The following ARHGAP9 variants were observed in gnomAD, a reference collection of about 807,000 sequenced individuals.
ARHGAP9 encodes the protein rho GTPase-activating protein 9.
Under a neutral mutation model 87.3 loss-of-function variants are expected in ARHGAP9, and 76 were observed. The observed-to-expected ratio is 0.87, with a 90% CI of 0.72 to 1.05. The LOEUF is 1.05. Among genes scored for constraint, ARHGAP9 ranks in the 50% least tolerant of loss-of-function variants. The pLI is 0.00. For synonymous variants in ARHGAP9, 382 were observed against 394.9 expected (o/e 0.97, Z 0.39); for missense variants, 941 against 960.5 (o/e 0.98, Z 0.27).
At chr12:57,474,594 T>C in intron 14 of ARHGAP9, 32 bp downstream of exon 14, 1 of 1,613,932 alleles carries the variant, frequency 6.2e-7, no homozygotes, top group East Asian at 2.2e-5. Flanking sequence ...AAGACATTCT[T>C]AGTACAACCA....
chr12:57,479,729 C>T lies in ARHGAP9; in HGVS notation c.-19+1G>A, dbSNP rs1315674368. ...TAGGCCAGTAGTTTTCCTCCAAGTACCTTGTGGGGCCCATCAGAAGATTCA... is the reference window on the plus strand; with the variant it reads ...TAGGCCAGTAGTTTTCCTCCAAGTATCTTGTGGGGCCCATCAGAAGATTCA... On this transcript the variant is annotated splice_donor_variant, in intron 1 of 17. Coordinates refer to ENST00000393791, the MANE Select transcript of ARHGAP9 (RefSeq NM_032496.4). LOFTEE classifies it low-confidence loss of function (5UTR_SPLICE). 6.4e-7 allele frequency: 1 copy of T among 1,550,676 alleles called. No homozygotes were observed. The highest frequency in any genetic ancestry group is 8.7e-7 in the Non-Finnish European group (1 of 1,146,970).
intron 1 of ARHGAP9, among the ~76,000 whole-genome samples, chr12:57,486,668 G>A: frequency 1.4e-5 from 2 of 148,098 alleles, no homozygotes; most frequent in South Asian, 2.1e-4. Flanking sequence ...GGCGGATCAC[G>A]AGGTCGGGGG....
chr12:57,480,162 C>CT, upstream of ARHGAP9: 1 of 949,052 alleles, frequency 1.1e-6, no homozygotes, highest in South Asian at 4.9e-5. Flanking sequence ...GCAGGAGCTA[C>CT]TTTAGTGTGT....
chr12:57,487,118 C>T (rs922730402), intron 1 of ARHGAP9, among the ~76,000 whole-genome samples: 9 of 151,656 alleles, frequency 5.9e-5, no homozygotes, highest in African/African-American at 2.2e-4. Context: ...GCTGGGATTA[C>T]AGGCGCCTGC....
upstream of ARHGAP9, chr12:57,484,105 C>T (rs910464955): frequency 1.3e-4 from 27 of 203,900 alleles, no homozygotes; most frequent in African/African-American, 4.9e-4. Context: ...GTAATCCCAG[C>T]GCTTTGGGAA....
chr12:57,486,543 T>TA (rs1851544573), intron 1 of ARHGAP9, among the ~76,000 whole-genome samples: 1 of 147,328 alleles, frequency 6.8e-6, no homozygotes, highest in South Asian at 2.2e-4. Flanking sequence ...GTGCTGGGGT[T>TA]ACAGGCGTGA....
In ARHGAP9 at chr12:57,475,749, A is replaced by G. The variant is rs781305402; in HGVS notation, c.1311+84T>C. The G allele has an allele frequency of 3.9e-5, 55 of 1,426,300 alleles. 1 individual carries two copies. In the South Asian group the frequency reaches 5.8e-4, roughly 15 times the overall value. The allele number at this position is 1,426,300 out of a possible 1,614,324, so 88.4% of individuals were successfully genotyped here. On this transcript the variant is annotated intron_variant, in intron 10 of 17. Transcript: ENST00000393791. The stretch of plus-strand genomic sequence containing the variant: ...CTCCACTGAGCCCACCCTGCCCCCA[A>G]CTGCTCCTGACTCCTATCGTTCCTA...
intron 16 of ARHGAP9, 31 bp downstream of exon 16, chr12:57,474,010 TC>T: frequency 1.2e-6 from 2 of 1,604,010 alleles, no homozygotes; most frequent in Non-Finnish European, 1.7e-6. Context: ...GTCCCCCACA[TC>T]AAGGGTTCTT....
At position 57,473,619 on chromosome 12, in the gene ARHGAP9, G is replaced by A; in HGVS notation, c.2008C>T (p.Leu670=). ...KPNHDTLRYL[L]EHLCRVIAHS... ...CTTCCTGACCTGCATAAATGCTCCA[G>A]GAGGTACCGTAGAGTGTCATGGTTG... Residue 670 remains leucine (L), a synonymous_variant, in exon 17 of 18, where the codon CTG becomes TTG. Transcript: ENST00000393791. The A allele has an allele frequency of 3.1e-6, 5 of 1,613,576 alleles. No individual in the cohort carries two copies. The highest frequency in any genetic ancestry group is 2.5e-6 in the Non-Finnish European group (3 of 1,179,566).
At position 57,472,308 on chromosome 12, in the gene ARHGAP9, G is replaced by A; in HGVS notation, c.*209C>T. On this transcript the variant is annotated 3_prime_UTR_variant, in exon 18 of 18. Transcript: ENST00000393791. ...ATGTATTATTATGTTGGGGAGGAAT[G>A]ATAACAGGGAACAAGAAGAGAAGCA... The A allele has an allele frequency of 1.6e-6, 1 of 638,094 alleles. No individual in the cohort carries two copies. The highest frequency in any genetic ancestry group is 2.6e-6 in the Non-Finnish European group (1 of 382,550). 39.5% of individuals were successfully genotyped at this position (638,094 alleles called of 1,614,324 possible).
rs1411300894 is a variant in ARHGAP9, at chr12:57,478,630, C to G, written c.444G>C (p.Leu148=). 1 of 1,613,964 alleles carries G rather than the reference C, an allele frequency of 6.2e-7. No individual in the cohort carries two copies. The highest frequency in any genetic ancestry group is 1.3e-5 in the African/African-American group (1 of 74,888). ...GGAAAGGCTTCAGAAGGCTGGGGCTCAGATTGTCAGTGCTGACGCTCCTAC... is the reference window on the plus strand; with the variant it reads ...GGAAAGGCTTCAGAAGGCTGGGGCTGAGATTGTCAGTGCTGACGCTCCTAC... ...KMCRSVSTDN[L]SPSLLKPFQE... is the part of the protein sequence containing the mutation. The change falls in exon 3 of 18, where the codon CTG becomes CTC. Residue 148 remains leucine, a synonymous_variant. Coordinates refer to ENST00000393791, the MANE Select transcript of ARHGAP9 (RefSeq NM_032496.4).
chr12:57,479,881 G>A (rs1874840156), upstream of ARHGAP9: 1 of 1,455,728 alleles, frequency 6.9e-7, no homozygotes, highest in African/African-American at 1.4e-5. Flanking sequence ...ACAAAAATGT[G>A]TGTTATTCTT....
intron 1 of ARHGAP9, among the ~76,000 whole-genome samples, chr12:57,485,309 G>A (rs10876988): frequency 0.47 from 70,795 of 151,322 alleles, 19,173 homozygotes; most frequent in Middle Eastern, 0.67. Flanking sequence ...TAATCCCAGC[G>A]CTTTGGGAGG....
chr12:57,484,697 T>C (rs1490947074), upstream of ARHGAP9, among the ~76,000 whole-genome samples: 1 of 152,164 alleles, frequency 6.6e-6, no homozygotes, highest in Non-Finnish European at 1.5e-5. Flanking sequence ...CAGCCTGGAG[T>C]ACAGTGGTGC....
intron 1 of ARHGAP9, chr12:57,488,054 C>T: frequency 6.4e-7 from 1 of 1,573,666 alleles, no homozygotes; most frequent in Non-Finnish European, 8.7e-7. Flanking sequence ...AAGCGGGAGG[C>T]CGGTTCCGGT....
chr12:57,487,797 C>G (rs1467734477), intron 1 of ARHGAP9: 5 of 400,090 alleles, frequency 1.2e-5, no homozygotes, highest in African/African-American at 1.1e-4. Context: ...TGCAGCGAGC[C>G]AAGACCGTGC....
chr12:57,479,685 G>A, intron 1 of ARHGAP9, 45 bp downstream of exon 1: 1 of 1,550,864 alleles, frequency 6.4e-7, no homozygotes, highest in South Asian at 1.2e-5. Context: ...AGCAAGGCAG[G>A]AAATTAGAGG....
Position 57,477,508 on chromosome 12 carries a change from A to G in ARHGAP9, c.707T>C (p.Leu236Pro). ...GGGCTTCCAGGACTTGCAGCCAGTC[A>G]GTGAATTTATGTAGAAGCAGCGTCC... ...NSGRCFYINS[L>P]TGCKSWKPPR... is the part of the protein sequence containing the mutation. The change falls in exon 4 of 18, where the codon CTG (leucine) becomes CCG (proline). Residue 236 changes from leucine to proline, a missense_variant. Leu to Pro is a moderately conservative substitution (Grantham distance 98). Coordinates refer to ENST00000393791, the MANE Select transcript of ARHGAP9 (RefSeq NM_032496.4). The G allele has an allele frequency of 1.2e-6, 2 of 1,614,116 alleles. No homozygotes were observed. Among genetic ancestry groups the G allele is most frequent in the Non-Finnish European group, 1.7e-6 (2 of 1,180,002 alleles).
intron 16 of ARHGAP9, 78 bp downstream of exon 16, chr12:57,473,964 T>G: frequency 6.7e-6 from 10 of 1,501,472 alleles, no homozygotes; most frequent in South Asian, 1.3e-5. Flanking sequence ...GAAAGAAGAG[T>G]ATAAGGGAAC....
Sources: gnomAD v4.1 joint callset for allele counts (sites outside exome capture counted in the v4.1 genomes callset) on GRCh38, gnomAD v4.1.1 for gene constraint, MANE v1.5 for transcripts, NCBI Gene and HGNC (gene_info 2026-07-23, HGNC 2026-07-21) for gene names.